Variants in SPATA13 observed in about 807,000 individuals in gnomAD.
SPATA13 encodes spermatogenesis-associated protein 13.
Under a neutral mutation model 104.0 loss-of-function variants are expected in SPATA13, and 50 were observed. The ratio of observed to expected loss-of-function variants is 0.48; its 90% CI spans 0.38 to 0.61. The LOEUF is 0.61. Among genes scored for constraint, SPATA13 ranks in the 20% least tolerant of loss-of-function variants. The probability of loss-of-function intolerance (pLI) is 0.00; values close to 1 mark genes in which losing one functional copy is unlikely to be tolerated. For missense variants in SPATA13, 1,524 were observed against 1,690.6 expected (o/e 0.90, Z 1.73); for synonymous variants, 606 against 667.5 (o/e 0.91, Z 1.42).
chr13:23,991,157 T>G (rs1252669221), intron 2 of SPATA13, among the ~76,000 whole-genome samples: 1 of 152,188 alleles, frequency 6.6e-6, no homozygotes, highest in Non-Finnish European at 1.5e-5. Context: ...GAGATCCTGG[T>G]CAGGGCTGGT....
At chr13:24,019,808 G>A (rs1309695400) in intron 3 of SPATA13, among the ~76,000 whole-genome samples, 1 of 152,168 alleles carries the variant, frequency 6.6e-6, no homozygotes, top group Non-Finnish European at 1.5e-5. Context: ...ATCATTTGGT[G>A]TTTAGGAAAA....
intron 3 of SPATA13, among the ~76,000 whole-genome samples, chr13:24,022,174 C>T (rs1272817834): frequency 1.3e-5 from 2 of 151,526 alleles, no homozygotes; most frequent in Non-Finnish European, 2.9e-5. Flanking sequence ...TCCCGAGTAG[C>T]TGGGACTACA....
At chr13:24,187,353 C>G (rs1869214151) in intron 1 of SPATA13, among the ~76,000 whole-genome samples, 1 of 152,114 alleles carries the variant, frequency 6.6e-6, no homozygotes, top group African/African-American at 2.4e-5. Flanking sequence ...TAGCTATCTT[C>G]AGTTCTCAGT....
At chr13:24,203,008 G>A (rs1243216432) in intron 1 of SPATA13, among the ~76,000 whole-genome samples, 1 of 152,008 alleles carries the variant, frequency 6.6e-6, no homozygotes, top group African/African-American at 2.4e-5. Flanking sequence ...GGGTACGTGT[G>A]TAGGATGTGC....
At chr13:24,274,300 G>T (rs1334621003) in intron 4 of SPATA13, among the ~76,000 whole-genome samples, 1 of 152,152 alleles carries the variant, frequency 6.6e-6, no homozygotes, top group Non-Finnish European at 1.5e-5. Context: ...ATTTTTCCAG[G>T]TGTCAGAATC....
Position 24,222,829 on chromosome 13 carries a change from C to T in SPATA13, c.-101C>T. 1 of 1,520,678 alleles carries T rather than the reference C, an allele frequency of 6.6e-7. No homozygotes were observed. The highest frequency in any genetic ancestry group is 8.9e-7 in the Non-Finnish European group (1 of 1,128,498). The allele number at this position is 1,520,678 out of a possible 1,614,324, so 94.2% of individuals were successfully genotyped here. ...TGTCTTTCACTGCAGCCCGTGGCCA[C>T]CCAGGAGCCCGATGTGCAAGGCAGG... On this transcript the variant is annotated 5_prime_UTR_variant, in exon 2 of 13. Coordinates refer to ENST00000382108, the MANE Select transcript of SPATA13 (RefSeq NM_001166271.3).
In SPATA13 at chr13:24,270,916, T is replaced by C. The variant is rs1158181083; in HGVS notation, c.2165-13219T>C. 1.9e-6 allele frequency: 3 copies of C among 1,602,468 alleles called. No homozygotes were observed. The African/African-American group carries it at 4.0e-5, about 21-fold the overall frequency. ...AGTCTGGAAAGCCTTCACTTGGGTATGTGTGCAAAGAATGGATTGTTGTAC... is the reference window on the plus strand; with the variant it reads ...AGTCTGGAAAGCCTTCACTTGGGTACGTGTGCAAAGAATGGATTGTTGTAC... On this transcript the variant is annotated intron_variant, in intron 4 of 12. Transcript: ENST00000382108.
chr13:24,122,476 T>C (rs1881065023), intron 3 of SPATA13: 3 of 1,608,230 alleles, frequency 1.9e-6, no homozygotes, highest in Non-Finnish European at 1.7e-6. Context: ...AGCCAGAATC[T>C]CCAAATATTC....
rs1566110900 is a variant in SPATA13, at chr13:24,120,204, A to C, written c.-112+102503A>C. On this transcript the variant is annotated intron_variant, in intron 3 of 14. Transcript: ENST00000424834. ...GGATTCTGTTTCCGCCTCTGAAAAA[A>C]AAATCAGGATTCTACTACTACTGTT... Among the ~76,000 whole-genome samples the C allele has an allele frequency of 2.6e-5, 4 of 152,234 alleles. No homozygotes were observed. In the East Asian group the frequency reaches 5.8e-4, roughly 22 times the overall value.
intron 1 of SPATA13, among the ~76,000 whole-genome samples, chr13:24,174,962 TTTG>T (rs762775978): frequency 5.2e-5 from 8 of 152,382 alleles, no homozygotes; most frequent in Admixed American, 2.6e-4. Context: ...TGGAGATTTT[TTTG>T]TTAACTTTCT....
At chr13:24,261,060 T>C (rs1874039747) in intron 4 of SPATA13, among the ~76,000 whole-genome samples, 1 of 152,290 alleles carries the variant, frequency 6.6e-6, no homozygotes, top group South Asian at 2.1e-4. Flanking sequence ...CTCCACTAAG[T>C]TCAGGCTGCC....
chr13:24,179,130 G>A (rs1484382423), intron 1 of SPATA13, among the ~76,000 whole-genome samples: 1 of 152,158 alleles, frequency 6.6e-6, no homozygotes, highest in Non-Finnish European at 1.5e-5. Flanking sequence ...ATTGCTGAAT[G>A]ATACTTCATT....
intron 3 of SPATA13, among the ~76,000 whole-genome samples, chr13:24,085,482 G>T (rs934537802): frequency 6.6e-6 from 1 of 152,178 alleles, no homozygotes; most frequent in Non-Finnish European, 1.5e-5. Context: ...CAGAGGGGCA[G>T]TGCCGTCTGG....
chr13:24,038,985 G>A (rs1176864504), intron 3 of SPATA13, among the ~76,000 whole-genome samples: 3 of 152,124 alleles, frequency 2.0e-5, no homozygotes, highest in African/African-American at 7.2e-5. Flanking sequence ...AGGGAAATAG[G>A]GGCAGTTTTG....
intron 2 of SPATA13, among the ~76,000 whole-genome samples, chr13:24,005,621 G>T (rs1876186778): frequency 6.6e-6 from 1 of 152,074 alleles, no homozygotes; most frequent in Non-Finnish European, 1.5e-5. Flanking sequence ...GGGTGGGAGA[G>T]GGATGGGGGA....
intron 3 of SPATA13, among the ~76,000 whole-genome samples, chr13:24,057,057 CTTTTTT>C (rs71712571): frequency 7.4e-6 from 1 of 135,280 alleles, no homozygotes; most frequent in Non-Finnish European, 1.6e-5. Flanking sequence ...CTGGCTCTTT[CTTTTTT>C]TTTTTTCTTT....
chr13:24,194,445 C>A (rs926025866), intron 1 of SPATA13, among the ~76,000 whole-genome samples: 1 of 152,274 alleles, frequency 6.6e-6, no homozygotes, highest in East Asian at 1.9e-4. Context: ...TGTTGAGAAT[C>A]ACTGACAGAG....
intron 2 of SPATA13, among the ~76,000 whole-genome samples, chr13:23,987,001 CTGTGTGTG>C (rs113990315): frequency 4.1e-4 from 58 of 141,520 alleles, no homozygotes; most frequent in African/African-American, 8.7e-4. Context: ...ATGGATATAT[CTGTGTGTG>C]TGTGTGTGTG....
chr13:23,989,384 T>G (rs1423751153), intron 2 of SPATA13, among the ~76,000 whole-genome samples: 1 of 151,678 alleles, frequency 6.6e-6, no homozygotes, highest in Non-Finnish European at 1.5e-5. Flanking sequence ...ATCACGCCAC[T>G]GCACTCCAGC....
Sources: gnomAD v4.1 joint callset for allele counts (sites outside exome capture counted in the v4.1 genomes callset) on GRCh38, gnomAD v4.1.1 for gene constraint, MANE v1.5 for transcripts, NCBI Gene and HGNC (gene_info 2026-07-23, HGNC 2026-07-21) for gene names.